Variants in TMEM132B observed in about 807,000 individuals in gnomAD.
The protein encoded by TMEM132B is transmembrane protein 132B.
In TMEM132B, 18 loss-of-function variants were observed where a neutral mutation model predicts 90.8. The ratio of observed to expected loss-of-function variants is 0.20; its 90% confidence interval spans 0.14 to 0.29. The LOEUF (loss-of-function observed/expected upper bound fraction) is 0.29. TMEM132B is among the 10% of genes least tolerant of loss of function. TMEM132B has a pLI of 1.00. For synonymous variants in TMEM132B, 504 were observed against 523.3 expected (o/e 0.96, Z 0.50); for missense variants, 1,096 against 1,326.8 (o/e 0.83, Z 2.70).
In TMEM132B at chr12:125,654,000, A is replaced by C. The variant is rs574687342; in HGVS notation, c.2542A>C (p.Ser848Arg). The change falls in exon 9 of 9, where the codon AGT (serine) becomes CGT (arginine). Residue 848 changes from serine to arginine, a missense_variant. Ser to Arg is a moderately radical substitution (Grantham distance 110). Coordinates refer to ENST00000682704, the MANE Select transcript of TMEM132B (RefSeq NM_001366854.1). ...HRGTPVGQEE[S>R]TNKSTTPQSP... Reference sequence around the variant, plus strand: ...TGGCACACCTGTTGGCCAAGAGGAAAGTACCAACAAAAGCACAACCCCCCA... The same window carrying C: ...TGGCACACCTGTTGGCCAAGAGGAACGTACCAACAAAAGCACAACCCCCCA... 481 of 1,614,204 alleles carry C rather than the reference A, an allele frequency of 3.0e-4. 4 individuals are homozygous for C. In the South Asian group the frequency reaches 4.9e-3, roughly 16 times the overall value.
At chr12:125,581,714 A>AT (rs35702958) in intron 4 of TMEM132B, among the ~76,000 whole-genome samples, 44,330 of 146,704 alleles carry the variant, frequency 0.3, 7,255 homozygotes, top group East Asian at 0.58. Context: ...ACCTGTACTG[A>AT]TTTTTTTTTT....
chr12:125,506,534 A>G (rs143056542), intron 3 of TMEM132B, among the ~76,000 whole-genome samples: 1,625 of 152,330 alleles, frequency 0.011, 10 homozygotes, highest in Middle Eastern at 0.034. Flanking sequence ...TGTTTTTAAT[A>G]TTAAATTTTA....
At chr12:125,207,006 C>T (rs1418839278) in intron 1 of TMEM132B, among the ~76,000 whole-genome samples, 2 of 152,190 alleles carry the variant, frequency 1.3e-5, no homozygotes, top group African/African-American at 4.8e-5. Context: ...GGTCTGTGAG[C>T]CCTGGCTCCT....
intron 1 of TMEM132B, among the ~76,000 whole-genome samples, chr12:125,312,652 G>T (rs1876150226): frequency 6.6e-6 from 1 of 152,178 alleles, no homozygotes; most frequent in African/African-American, 2.4e-5. Flanking sequence ...CTGGATGGTT[G>T]CATTCCACTC....
At chr12:125,293,087 C>T (rs1305730456) in intron 1 of TMEM132B, among the ~76,000 whole-genome samples, 2 of 152,104 alleles carry the variant, frequency 1.3e-5, no homozygotes, top group Non-Finnish European at 2.9e-5. Flanking sequence ...GGGGCTGGCT[C>T]CTTTCAACAC....
At chr12:125,241,126 T>A (rs1874055410) in intron 1 of TMEM132B, among the ~76,000 whole-genome samples, 3 of 152,104 alleles carry the variant, frequency 2.0e-5, no homozygotes, top group Admixed American at 6.6e-5. Context: ...ATACAGAGGA[T>A]GACAAAAGAA....
chr12:125,215,092 C>T lies in TMEM132B; in HGVS notation c.67+28226C>T, dbSNP rs552524633. On this transcript the variant is annotated intron_variant, in intron 1 of 8. Transcript: ENST00000682704. ...GCCAGCCTCTTGGTGCTACACCTAC[C>T]CTGCCACTCCCCTGATGCTCCTCCA... Among the ~76,000 whole-genome samples the T allele has an allele frequency of 1.9e-4, 29 of 152,328 alleles. 1 individual carries two copies. The South Asian group carries it at 5.0e-3, about 26-fold the overall frequency.
At chr12:125,528,059 T>C (rs1474817209) in intron 4 of TMEM132B, among the ~76,000 whole-genome samples, 1 of 152,164 alleles carries the variant, frequency 6.6e-6, no homozygotes, top group African/African-American at 2.4e-5. Context: ...CAGTGGTGCT[T>C]TCTGCATTAT....
In TMEM132B at chr12:125,408,054, G is replaced by C. The variant is rs1051032330; in HGVS notation, c.960-7477G>C. 1.3e-5 allele frequency among the ~76,000 whole-genome samples: 2 copies of C among 152,140 alleles called. No individual in the cohort carries two copies. Among genetic ancestry groups the C allele is most frequent in the Non-Finnish European group, 2.9e-5 (2 of 68,026 alleles). On this transcript the variant is annotated intron_variant, in intron 2 of 8. Coordinates refer to ENST00000682704, the MANE Select transcript of TMEM132B (RefSeq NM_001366854.1). The surrounding 1 kb of genome is among the most constrained non-coding windows in gnomAD (Gnocchi z 5.9). The stretch of plus-strand genomic sequence containing the variant: ...TCAGTGACTGCCTCTACCACAGGGC[G>C]GCCACTGTGCAGGCTTTCACCTCGG...
chr12:125,211,354 G>C (rs1226537483), intron 1 of TMEM132B, among the ~76,000 whole-genome samples: 1 of 152,148 alleles, frequency 6.6e-6, no homozygotes, highest in African/African-American at 2.4e-5. Flanking sequence ...ACTGTCTCCT[G>C]CCCCAAATAT....
chr12:125,426,379 G>A (rs527251408), intron 3 of TMEM132B, among the ~76,000 whole-genome samples: 1 of 152,064 alleles, frequency 6.6e-6, no homozygotes, highest in African/African-American at 2.4e-5. Flanking sequence ...TACATTTTGA[G>A]TGGTGATGCC....
intron 4 of TMEM132B, among the ~76,000 whole-genome samples, chr12:125,535,968 G>T (rs2136709915): frequency 6.6e-6 from 1 of 152,324 alleles, no homozygotes; most frequent in South Asian, 2.1e-4. Flanking sequence ...TTCTGTGACT[G>T]TGTCTTGTGG....
chr12:125,594,397 T>C (rs1885391006), intron 5 of TMEM132B, among the ~76,000 whole-genome samples: 1 of 152,326 alleles, frequency 6.6e-6, no homozygotes, highest in East Asian at 1.9e-4. Flanking sequence ...CTTTCACTTC[T>C]TAGGAACAGA....
chr12:125,382,564 T>A (rs895368029), intron 2 of TMEM132B, among the ~76,000 whole-genome samples: 3 of 152,190 alleles, frequency 2.0e-5, no homozygotes, highest in African/African-American at 7.2e-5. Flanking sequence ...AGTCTCTTGA[T>A]GACAGAACCA....
intron 2 of TMEM132B, among the ~76,000 whole-genome samples, chr12:125,404,591 T>G (rs910944031): frequency 5.9e-5 from 9 of 152,216 alleles, no homozygotes; most frequent in Admixed American, 4.6e-4. Context: ...GCACTTAATA[T>G]ACACCAATTC....
chr12:125,572,818 G>A (rs1884832786), intron 4 of TMEM132B, among the ~76,000 whole-genome samples: 1 of 152,100 alleles, frequency 6.6e-6, no homozygotes, highest in Non-Finnish European at 1.5e-5. Flanking sequence ...TTATTAGCTG[G>A]AATTCTACTC....
intron 1 of TMEM132B, among the ~76,000 whole-genome samples, chr12:125,311,445 T>C (rs326363): frequency 0.73 from 110,281 of 152,008 alleles, 40,347 homozygotes; most frequent in Non-Finnish European, 0.77. Flanking sequence ...GGTTGAAAAC[T>C]CTGGCGTCAT....
chr12:125,205,826 G>T (rs1311864741), intron 1 of TMEM132B, among the ~76,000 whole-genome samples: 1 of 152,232 alleles, frequency 6.6e-6, no homozygotes, highest in African/African-American at 2.4e-5. Flanking sequence ...ATAATCCAGG[G>T]GAGGGGAATT....
intron 2 of TMEM132B, among the ~76,000 whole-genome samples, chr12:125,369,559 T>C (rs1240466423): frequency 2.0e-5 from 3 of 152,120 alleles, no homozygotes; most frequent in Admixed American, 2.0e-4. Context: ...GATAGGTTGA[T>C]AAATGACAAA....
Sources: gnomAD v4.1 joint callset for allele counts (sites outside exome capture counted in the v4.1 genomes callset) on GRCh38, gnomAD v4.1.1 for gene constraint, Gnocchi (gnomAD v3.1) non-coding constraint, MANE v1.5 for transcripts, NCBI Gene and HGNC (gene_info 2026-07-23, HGNC 2026-07-21) for gene names.